The following SIPA1L1 variants were observed in gnomAD, a reference collection of about 807,000 sequenced individuals.
The protein encoded by SIPA1L1 is signal induced proliferation associated 1 like 1, also known as signal-induced proliferation-associated 1-like protein 1.
SIPA1L1 carries 26 observed loss-of-function variants against 162.7 expected under a neutral mutation model. That is an observed-to-expected ratio of 0.16 (90% confidence interval 0.12 to 0.22). The LOEUF (loss-of-function observed/expected upper bound fraction) is 0.22, where lower values mean the gene tolerates loss of function less well. Ranked by LOEUF, SIPA1L1 falls within the 10% of genes least tolerant of loss-of-function variation. The pLI is 1.00. For missense variants in SIPA1L1, 1,874 were observed against 2,241.0 expected (o/e 0.84, Z 3.31); for synonymous variants, 829 against 837.4 (o/e 0.99, Z 0.17).
chr14:71,398,984 C>T (rs1286299264), intron 2 of SIPA1L1, among the ~76,000 whole-genome samples: 1 of 152,150 alleles, frequency 6.6e-6, no homozygotes, highest in East Asian at 1.9e-4. Flanking sequence ...GTAATAATTG[C>T]ACTTTAATTA....
chr14:71,569,967 C>T (rs983527740), intron 4 of SIPA1L1, among the ~76,000 whole-genome samples: 3 of 152,302 alleles, frequency 2.0e-5, no homozygotes, highest in South Asian at 2.1e-4. Context: ...TGCACCCTGT[C>T]TGTAAGAACG....
At chr14:71,433,354 T>G (rs138118056) in intron 2 of SIPA1L1, among the ~76,000 whole-genome samples, 259 of 152,338 alleles carry the variant, frequency 1.7e-3, no homozygotes, top group Non-Finnish European at 2.5e-3. Flanking sequence ...CCTCATTCTC[T>G]TTTCCGGACT....
chr14:71,467,201 G>A (rs1335681362), intron 2 of SIPA1L1: 1 of 152,146 alleles, frequency 6.6e-6, no homozygotes, highest in Non-Finnish European at 1.5e-5. Context: ...ATTTACAAAT[G>A]CACCGTTGGA....
At chr14:71,539,202 T>C (rs1477771528) in intron 4 of SIPA1L1, among the ~76,000 whole-genome samples, 2 of 152,180 alleles carry the variant, frequency 1.3e-5, no homozygotes, top group Non-Finnish European at 2.9e-5. Context: ...TTGGCCCGTT[T>C]TCCAAAATGA....
chr14:71,693,464 A>T (rs1358629295), intron 13 of SIPA1L1, among the ~76,000 whole-genome samples: 1 of 151,978 alleles, frequency 6.6e-6, no homozygotes, highest in Non-Finnish European at 1.5e-5. Context: ...ACACCACTGC[A>T]CTCCAGCCTG....
chr14:71,347,076 C>T (rs746703905), intron 2 of SIPA1L1, among the ~76,000 whole-genome samples: 11 of 151,600 alleles, frequency 7.3e-5, no homozygotes, highest in African/African-American at 1.2e-4. Flanking sequence ...CTCAGCCCCC[C>T]GAGTAGTTGG....
intron 10 of SIPA1L1, among the ~76,000 whole-genome samples, chr14:71,662,068 G>A (rs1201532318): frequency 6.6e-6 from 1 of 152,198 alleles, no homozygotes; most frequent in South Asian, 2.1e-4. Flanking sequence ...GACCTGTCAC[G>A]CTAGCTCGAT....
At chr14:71,516,231 G>C (rs2051714348) in intron 3 of SIPA1L1, among the ~76,000 whole-genome samples, 1 of 152,144 alleles carries the variant, frequency 6.6e-6, no homozygotes, top group African/African-American at 2.4e-5. Context: ...TTAAAATCCA[G>C]TTATATTGAT....
At chr14:71,512,990 G>C (rs1256811706) in intron 3 of SIPA1L1, 145 bp downstream of exon 3, 1 of 152,142 alleles carries the variant, frequency 6.6e-6, no homozygotes, top group Non-Finnish European at 1.5e-5. Context: ...ACCCCCTCAA[G>C]TTGTCCCACC....
chr14:71,353,674 G>A (rs2036940419), intron 2 of SIPA1L1, among the ~76,000 whole-genome samples: 1 of 152,176 alleles, frequency 6.6e-6, no homozygotes, highest in African/African-American at 2.4e-5. Context: ...ACTAGACCTG[G>A]TGGTGGCAAT....
At chr14:71,664,845 C>T (rs2043855476) in intron 10 of SIPA1L1, among the ~76,000 whole-genome samples, 1 of 151,842 alleles carries the variant, frequency 6.6e-6, no homozygotes, top group African/African-American at 2.4e-5. Flanking sequence ...TCATTACAGG[C>T]TGAAGTTATA....
intron 3 of SIPA1L1, 81 bp from the exon 4 acceptor site, chr14:71,529,231 C>T (rs1229698426): frequency 6.6e-6 from 3 of 455,280 alleles, no homozygotes; most frequent in African/African-American, 2.0e-5. Flanking sequence ...AAAGATAAGA[C>T]CTGTGTAAGT....
At chr14:71,667,597 T>C (rs1276552053) in intron 10 of SIPA1L1, among the ~76,000 whole-genome samples, 1 of 152,228 alleles carries the variant, frequency 6.6e-6, no homozygotes, top group East Asian at 1.9e-4. Flanking sequence ...CCCTGGCCAG[T>C]AATCTGATTC....
At chr14:71,570,397 C>T (rs2031743859) in intron 4 of SIPA1L1, among the ~76,000 whole-genome samples, 1 of 152,054 alleles carries the variant, frequency 6.6e-6, no homozygotes, top group South Asian at 2.1e-4. Flanking sequence ...CTCAGCCTCT[C>T]AGGTAGCTGC....
intron 8 of SIPA1L1, among the ~76,000 whole-genome samples, chr14:71,657,310 T>C (rs1193575178): frequency 6.8e-6 from 1 of 147,544 alleles, no homozygotes; most frequent in Non-Finnish European, 1.5e-5. Context: ...ATCGCACCAT[T>C]GTACTCCAGC....
intron 4 of SIPA1L1, among the ~76,000 whole-genome samples, chr14:71,548,885 C>CA (rs774158181): frequency 0.25 from 16,408 of 64,590 alleles, 1,532 homozygotes; most frequent in East Asian, 0.5. Context: ...AGACTGTCTC[C>CA]AAAAAAAAAA....
chr14:71,519,310 A>G (rs1341703313), intron 3 of SIPA1L1, among the ~76,000 whole-genome samples: 2 of 152,120 alleles, frequency 1.3e-5, no homozygotes, highest in Non-Finnish European at 2.9e-5. Context: ...AACAAAAACA[A>G]AAACCCTCCT....
At chr14:71,373,583 G>A (rs1393713486) in intron 2 of SIPA1L1, among the ~76,000 whole-genome samples, 2 of 151,556 alleles carry the variant, frequency 1.3e-5, no homozygotes, top group African/African-American at 4.9e-5. Context: ...CTTGAACCCG[G>A]GAGGCAGAGG....
chr14:71,571,698 G>C (rs1019658068), intron 4 of SIPA1L1, among the ~76,000 whole-genome samples: 2 of 152,022 alleles, frequency 1.3e-5, no homozygotes, highest in African/African-American at 4.8e-5. Context: ...CTGGAGTGCA[G>C]TGGCACAATC....
Sources: gnomAD v4.1 joint callset for allele counts (sites outside exome capture counted in the v4.1 genomes callset) on GRCh38, gnomAD v4.1.1 for gene constraint, MANE v1.5 for transcripts, NCBI Gene and HGNC (gene_info 2026-07-23, HGNC 2026-07-21) for gene names.